The following PCDHGA8 variants were observed in gnomAD, a reference collection of about 807,000 sequenced individuals.
The protein encoded by PCDHGA8 is protocadherin gamma subfamily A, 8.
A neutral mutation model predicts 59.2 loss-of-function variants in PCDHGA8; 45 were observed. That is an observed-to-expected ratio of 0.76 (90% CI 0.60 to 0.98). The LOEUF (loss-of-function observed/expected upper bound fraction) is 0.98, where lower values mean the gene tolerates loss of function less well. Ranked by LOEUF, PCDHGA8 falls within the 50% of genes least tolerant of loss-of-function variation. PCDHGA8 has a pLI of 0.00. For missense variants in PCDHGA8, 1,257 were observed against 1,196.2 expected (o/e 1.05, Z -0.75); for synonymous variants, 531 against 519.0 (o/e 1.02, Z -0.32).
rs767577725 is a variant in PCDHGA8, at chr5:141,485,642, G to C, written c.2425-9165G>C. On this transcript the variant is annotated intron_variant, in intron 1 of 3. Transcript: ENST00000398604. This position sits in a 1 kb window ranked among gnomAD's most constrained non-coding sequence, Gnocchi z 5.7. ...AGGACAGCGTTTCCCGTTGGAAAAGGCTCAGGATGCAGATGTGGGGAGCAA... is the reference window on the plus strand; with the variant it reads ...AGGACAGCGTTTCCCGTTGGAAAAGCCTCAGGATGCAGATGTGGGGAGCAA... 2 of 1,612,044 alleles carry C rather than the reference G, an allele frequency of 1.2e-6. No individual in the cohort carries two copies. The highest frequency in any genetic ancestry group is 8.5e-7 in the Non-Finnish European group (1 of 1,178,592).
chr5:141,457,498 G>A (rs193168963), intron 1 of PCDHGA8, among the ~76,000 whole-genome samples: 23 of 152,246 alleles, frequency 1.5e-4, no homozygotes, highest in African/African-American at 4.3e-4. Flanking sequence ...TAAAATGTAG[G>A]CAAAAAGCTT....
chr5:141,428,523 T>G, intron 1 of PCDHGA8: 1 of 278,554 alleles, frequency 3.6e-6, no homozygotes, highest in Non-Finnish European at 7.1e-6. Context: ...AAAGAAGATT[T>G]AATTTTCTCA....
intron 1 of PCDHGA8, among the ~76,000 whole-genome samples, chr5:141,480,796 C>G (rs1007525949): frequency 2.6e-5 from 4 of 152,074 alleles, no homozygotes; most frequent in African/African-American, 7.2e-5. Flanking sequence ...ATTTGAAAAC[C>G]ACAGCTTTGG....
chr5:141,477,878 C>A lies in PCDHGA8; in HGVS notation c.2425-16929C>A. ...GCTGCCTCGAGGTACCTCAGCTGGC[C>A]ACCTAGTGTCACGGGTGGTAGGCTG... is the stretch of plus-strand genomic sequence containing the variant. On this transcript the variant is annotated intron_variant, in intron 1 of 3. Transcript: ENST00000398604. The surrounding 1 kb of genome is among the most constrained non-coding windows in gnomAD (Gnocchi z 4.9). 1.2e-6 allele frequency: 2 copies of A among 1,614,158 alleles called. No individual in the cohort carries two copies. Among genetic ancestry groups the A allele is most frequent in the Non-Finnish European group, 1.7e-6 (2 of 1,180,008 alleles).
Position 141,393,555 on chromosome 5 carries a change from C to G in PCDHGA8, c.742C>G (p.Arg248Gly). ...CCCGGTTTTTCCTCACCCGATTTAC[C>G]GAGTGAAAGTCCTTGAGAACATGCC... is the stretch of plus-strand genomic sequence containing the variant. ...NAPVFPHPIY[R>G]VKVLENMPPG... The change falls in exon 1 of 4, where the codon CGA becomes GGA. Residue 248 changes from arginine to glycine, a missense_variant. Physicochemically the swap from Arg to Gly is moderately radical, Grantham distance 125 (BLOSUM62 -2). Transcript: ENST00000398604. 6 of 1,613,928 alleles carry G rather than the reference C, an allele frequency of 3.7e-6. No homozygotes were observed. The highest frequency in any genetic ancestry group is 5.1e-6 in the Non-Finnish European group (6 of 1,179,886).
chr5:141,403,434 A>G, intron 1 of PCDHGA8: 1 of 1,614,024 alleles, frequency 6.2e-7, no homozygotes, highest in Non-Finnish European at 8.5e-7. Flanking sequence ...ATTGATCCGG[A>G]TGTTGGCGTG....
At chr5:141,424,171 C>A in intron 1 of PCDHGA8, 1 of 226,338 alleles carries the variant, frequency 4.4e-6, no homozygotes, top group Non-Finnish European at 8.0e-6. Flanking sequence ...ATCTATCTAT[C>A]TATACACATG....
At chr5:141,421,870 G>A in intron 1 of PCDHGA8, 1 of 1,613,758 alleles carries the variant, frequency 6.2e-7, no homozygotes, top group Non-Finnish European at 8.5e-7. Flanking sequence ...CCTCCTCACA[G>A]CTTTAGATGG....
chr5:141,419,332 C>A, intron 1 of PCDHGA8: 1 of 1,613,950 alleles, frequency 6.2e-7, no homozygotes, highest in South Asian at 1.1e-5. Context: ...CCTACTCTCT[C>A]ATTGCCAGCG....
intron 1 of PCDHGA8, chr5:141,414,994 T>G (rs1390374290): frequency 6.2e-7 from 1 of 1,613,744 alleles, no homozygotes; most frequent in South Asian, 1.1e-5. Flanking sequence ...CCAGAACGCC[T>G]GGCTGTCCTA....
In PCDHGA8 at chr5:141,432,088, A is replaced by T. The variant is rs144317211; in HGVS notation, c.2424+36851A>T. The T allele has an allele frequency of 2.9e-5, 47 of 1,614,148 alleles. No individual in the cohort carries two copies. In the African/African-American group the frequency reaches 5.7e-4, roughly 20 times the overall value. On this transcript the variant is annotated intron_variant, in intron 1 of 3. Transcript: ENST00000398604. This position sits in a 1 kb window ranked among gnomAD's most constrained non-coding sequence, Gnocchi z 6.0. Reference sequence around the variant, plus strand: ...AAACTCATATCTCGCTGAACGTGGCAGACACCAACGACAACCCGCCGGTCT... The same window carrying T: ...AAACTCATATCTCGCTGAACGTGGCTGACACCAACGACAACCCGCCGGTCT...
chr5:141,443,588 A>T (rs1479393074), intron 1 of PCDHGA8, among the ~76,000 whole-genome samples: 3 of 152,240 alleles, frequency 2.0e-5, no homozygotes, highest in Non-Finnish European at 4.4e-5. Context: ...CTAAAACAGA[A>T]TGTGGTATAT....
chr5:141,427,810 G>T, intron 1 of PCDHGA8: 1 of 1,523,990 alleles, frequency 6.6e-7, no homozygotes, highest in Non-Finnish European at 9.0e-7. Flanking sequence ...AGCGCACAGA[G>T]CGGGGTGGTG....
At chr5:141,496,637 C>T (rs907246032) in intron 2 of PCDHGA8, among the ~76,000 whole-genome samples, 6 of 152,214 alleles carry the variant, frequency 3.9e-5, no homozygotes, top group Non-Finnish European at 7.3e-5. Context: ...GCTTGGGCTG[C>T]CCTTGCCCTT....
At chr5:141,469,142 G>A (rs1473440049) in intron 1 of PCDHGA8, among the ~76,000 whole-genome samples, 3 of 152,024 alleles carry the variant, frequency 2.0e-5, no homozygotes, top group East Asian at 1.9e-4. Flanking sequence ...CAGAAATGGT[G>A]GCACATGTCT....
intron 1 of PCDHGA8, chr5:141,404,371 C>G (rs374054833): frequency 1.5e-5 from 25 of 1,613,774 alleles, no homozygotes; most frequent in Non-Finnish European, 2.0e-5. Context: ...CCATCTTCTC[C>G]GTGATTGCCT....
intron 1 of PCDHGA8, among the ~76,000 whole-genome samples, chr5:141,460,737 G>GTA (rs1393989215): frequency 2.0e-5 from 3 of 150,700 alleles, no homozygotes; most frequent in East Asian, 1.9e-4. Context: ...TATACACATT[G>GTA]TATATATATG....
At chr5:141,441,663 G>A (rs777315226) in intron 1 of PCDHGA8, 20 of 260,482 alleles carry the variant, frequency 7.7e-5, no homozygotes, top group Non-Finnish European at 1.2e-4. Context: ...GTCCTTGAGC[G>A]CACAGTGCGC....
intron 1 of PCDHGA8, chr5:141,396,168 T>C (rs2093349513): frequency 2.0e-5 from 3 of 152,184 alleles, no homozygotes; most frequent in Admixed American, 2.0e-4. Flanking sequence ...AGTTATTCAG[T>C]CTTGGCTGGA....
Sources: gnomAD v4.1 joint callset for allele counts (sites outside exome capture counted in the v4.1 genomes callset) on GRCh38, gnomAD v4.1.1 for gene constraint, Gnocchi (gnomAD v3.1) non-coding constraint, MANE v1.5 for transcripts, NCBI Gene and HGNC (gene_info 2026-07-23, HGNC 2026-07-21) for gene names.